Variants in CADM2 observed in about 807,000 individuals in gnomAD.
The protein encoded by CADM2 is immunoglobulin superfamily member 4D.
Under a neutral mutation model 49.8 loss-of-function variants are expected in CADM2, and 12 were observed. The ratio of observed to expected loss-of-function variants is 0.24; its 90% CI spans 0.15 to 0.39. The LOEUF (loss-of-function observed/expected upper bound fraction) is 0.39, where lower values mean the gene tolerates loss of function less well. Among genes scored for constraint, CADM2 ranks in the 10% least tolerant of loss-of-function variants. The pLI is 1.00. For missense variants in CADM2, 378 were observed against 492.3 expected, an observed-to-expected ratio of 0.77 and a Z score of 2.20; for synonymous variants, 214 against 175.4, an observed-to-expected ratio of 1.22 and a Z score of -1.74.
intron 1 of CADM2, among the ~76,000 whole-genome samples, chr3:85,309,697 A>G (rs1489650679): frequency 1.3e-5 from 2 of 152,182 alleles, no homozygotes; most frequent in African/African-American, 2.4e-5. Context: ...AACTGAGTCA[A>G]TTGAAATTCC....
At chr3:85,417,027 A>G (rs1468576987) in intron 1 of CADM2, among the ~76,000 whole-genome samples, 1 of 152,102 alleles carries the variant, frequency 6.6e-6, no homozygotes, top group African/African-American at 2.4e-5. Flanking sequence ...CAAATTTGAG[A>G]TTCAGCATGA....
intron 2 of CADM2, among the ~76,000 whole-genome samples, chr3:85,759,071 A>G (rs2069250588): frequency 6.6e-6 from 1 of 152,070 alleles, no homozygotes; most frequent in African/African-American, 2.4e-5. Flanking sequence ...CATTTACTAT[A>G]CAGAGAGGGA....
At chr3:85,961,751 CT>C in intron 8 of CADM2, 104 bp downstream of exon 8, 3 of 619,398 alleles carry the variant, frequency 4.8e-6, no homozygotes, top group South Asian at 5.0e-5. Flanking sequence ...TATATGGTTT[CT>C]TTTTACTTCA....
intron 1 of CADM2, among the ~76,000 whole-genome samples, chr3:85,298,312 C>T (rs1181668188): frequency 6.6e-6 from 1 of 152,016 alleles, no homozygotes; most frequent in East Asian, 1.9e-4. Context: ...AGATTTGCCT[C>T]CTATAGGAAG....
chr3:85,272,768 A>G (rs528635985), intron 1 of CADM2, among the ~76,000 whole-genome samples: 1 of 151,352 alleles, frequency 6.6e-6, no homozygotes, highest in South Asian at 2.1e-4. Flanking sequence ...TCCTGTGCTT[A>G]TTCGTCCATT....
chr3:85,094,734 T>C (rs2037729642), intron 1 of CADM2, among the ~76,000 whole-genome samples: 1 of 152,212 alleles, frequency 6.6e-6, no homozygotes, highest in Non-Finnish European at 1.5e-5. Flanking sequence ...ATAATAACTT[T>C]GTACCAAGTG....
At chr3:85,453,247 G>T (rs1472706697) in intron 1 of CADM2, among the ~76,000 whole-genome samples, 1 of 151,896 alleles carries the variant, frequency 6.6e-6, no homozygotes, top group Non-Finnish European at 1.5e-5. Context: ...TATATGTAGT[G>T]AAAAATAAAT....
intron 1 of CADM2, among the ~76,000 whole-genome samples, chr3:85,391,926 G>A (rs1576470502): frequency 6.6e-6 from 1 of 152,062 alleles, no homozygotes; most frequent in Non-Finnish European, 1.5e-5. Flanking sequence ...TCCCTTCACT[G>A]TGAATTTGAG....
At chr3:85,250,465 A>G (rs2042749140) in intron 1 of CADM2, among the ~76,000 whole-genome samples, 1 of 151,566 alleles carries the variant, frequency 6.6e-6, no homozygotes, top group Admixed American at 6.6e-5. Context: ...TGTTCTTCAA[A>G]GACACATCAA....
At chr3:85,814,019 C>T (rs1274484048) in intron 3 of CADM2, among the ~76,000 whole-genome samples, 3 of 151,932 alleles carry the variant, frequency 2.0e-5, no homozygotes, top group South Asian at 4.2e-4. Flanking sequence ...CTTGGCTATG[C>T]GGGCTCTTTT....
intron 1 of CADM2, among the ~76,000 whole-genome samples, chr3:85,589,758 C>T (rs1447036847): frequency 6.6e-6 from 1 of 151,820 alleles, no homozygotes. Flanking sequence ...TTGGCAATTT[C>T]CTGATCAAAT....
rs3044028 is a variant in CADM2, at chr3:85,752,472, GCA to G, written c.88+25952_88+25953del. 4.7e-3 allele frequency among the ~76,000 whole-genome samples: 695 copies of G among 147,770 alleles called. 2 individuals carry two copies. Among genetic ancestry groups the G allele is most frequent in the African/African-American group, 0.01 (399 of 39,642 alleles). On this transcript the variant is annotated intron_variant, in intron 2 of 9. Transcript: ENST00000383699. The stretch of plus-strand genomic sequence containing the variant: ...CTCCTTATGTCTCATATGTGTGCGT[GCA>G]CACACACACACACACACACACACAC...
chr3:85,698,576 G>A (rs927141370), intron 1 of CADM2, among the ~76,000 whole-genome samples: 1 of 152,056 alleles, frequency 6.6e-6, no homozygotes, highest in Non-Finnish European at 1.5e-5. Flanking sequence ...TCACATGGTG[G>A]GGCAGGAGAA....
intron 8 of CADM2, among the ~76,000 whole-genome samples, chr3:86,008,508 A>G (rs538306130): frequency 3.0e-4 from 46 of 152,248 alleles, no homozygotes; most frequent in African/African-American, 7.0e-4. Context: ...GCATAAATAA[A>G]AACACCAAAA....
intron 1 of CADM2, among the ~76,000 whole-genome samples, chr3:85,682,443 T>C (rs1195030128): frequency 3.3e-5 from 5 of 152,082 alleles, no homozygotes; most frequent in Non-Finnish European, 7.4e-5. Context: ...ATTCAGATTA[T>C]CTGTTGAGCA....
rs189600834 is a variant in CADM2, at chr3:85,217,499, G to A, written c.61+257831G>A. ...TTTATTGTAATTTGTAATTGAAAGC[G>A]GAGTTGTTTTTGAAATTATTAATAC... is the stretch of plus-strand genomic sequence containing the variant. On this transcript the variant is annotated intron_variant, in intron 1 of 9. Transcript: ENST00000383699. 2.5e-3 allele frequency among the ~76,000 whole-genome samples: 384 copies of A among 152,016 alleles called. 1 individual carries two copies. The highest frequency in any genetic ancestry group is 4.8e-3 in the Admixed American group (74 of 15,280).
intron 1 of CADM2, among the ~76,000 whole-genome samples, chr3:85,314,973 C>T (rs1264169557): frequency 6.6e-6 from 1 of 152,154 alleles, no homozygotes; most frequent in East Asian, 1.9e-4. Context: ...TAAGTTTATT[C>T]TCACACAGTT....
intron 1 of CADM2, among the ~76,000 whole-genome samples, chr3:85,177,114 A>G (rs2107695993): frequency 6.6e-6 from 1 of 152,290 alleles, no homozygotes; most frequent in African/African-American, 2.4e-5. Context: ...CTTTAATATA[A>G]CATGAATATT....
chr3:85,036,484 C>T (rs563022736), intron 1 of CADM2, among the ~76,000 whole-genome samples: 1 of 152,154 alleles, frequency 6.6e-6, no homozygotes, highest in Non-Finnish European at 1.5e-5. Flanking sequence ...GAGCTATTGA[C>T]AACTATGAAT....
Sources: gnomAD v4.1 joint callset for allele counts (sites outside exome capture counted in the v4.1 genomes callset) on GRCh38, gnomAD v4.1.1 for gene constraint, MANE v1.5 for transcripts, NCBI Gene and HGNC (gene_info 2026-07-23, HGNC 2026-07-21) for gene names.